Variants in LCOR observed in about 807,000 individuals in gnomAD.
The protein encoded by LCOR is ligand-dependent corepressor.
In LCOR, 14 loss-of-function variants were observed where a neutral mutation model predicts 64.4. The ratio of observed to expected loss-of-function variants is 0.22; its 90% CI spans 0.14 to 0.34. The LOEUF (loss-of-function observed/expected upper bound fraction) is 0.34. LCOR is among the 10% of genes least tolerant of loss of function. The probability of loss-of-function intolerance (pLI) is 1.00; values close to 1 mark genes in which losing one functional copy is unlikely to be tolerated. For missense variants in LCOR, 1,686 were observed against 1,765.3 expected, an observed-to-expected ratio of 0.96 and a Z score of 0.80; for synonymous variants, 643 against 642.5, an observed-to-expected ratio of 1.00 and a Z score of -0.01.
chr10:96,896,932 A>G (rs2134440017), intron 2 of LCOR, among the ~76,000 whole-genome samples: 1 of 152,262 alleles, frequency 6.6e-6, no homozygotes, highest in East Asian at 1.9e-4. Context: ...AAGAACTTTC[A>G]AAGTTTAGTT....
chr10:96,953,600 A>G (rs1380057997), intron 7 of LCOR, among the ~76,000 whole-genome samples: 1 of 152,198 alleles, frequency 6.6e-6, no homozygotes, highest in Non-Finnish European at 1.5e-5. Flanking sequence ...GTAATTAAGG[A>G]CACCTGTAGA....
intron 4 of LCOR, among the ~76,000 whole-genome samples, chr10:96,928,203 C>T (rs1847200023): frequency 3.3e-5 from 5 of 152,134 alleles, no homozygotes; most frequent in Admixed American, 2.6e-4. Flanking sequence ...GCATGTGAGG[C>T]TGTTTGCATT....
chr10:96,841,810 G>T (rs1321419110), intron 2 of LCOR, among the ~76,000 whole-genome samples: 1 of 151,612 alleles, frequency 6.6e-6, no homozygotes, highest in Non-Finnish European at 1.5e-5. Context: ...ATGCTGCCCA[G>T]GCTGGTCTCG....
chr10:96,900,496 A>G (rs1846614834), intron 2 of LCOR, among the ~76,000 whole-genome samples: 1 of 152,144 alleles, frequency 6.6e-6, no homozygotes, highest in Non-Finnish European at 1.5e-5. Flanking sequence ...ATAGAGAAGA[A>G]CAAAAAAGTC....
chr10:96,973,012 C>T (rs1163297765), intron 7 of LCOR, among the ~76,000 whole-genome samples: 1 of 152,138 alleles, frequency 6.6e-6, no homozygotes, highest in Non-Finnish European at 1.5e-5. Context: ...TGAAGAGATA[C>T]ATCCTGGTTT....
chr10:96,962,070 A>ATTTTAAATAATCATC (rs1847890458), intron 7 of LCOR: 2 of 152,092 alleles, frequency 1.3e-5, no homozygotes, highest in South Asian at 4.1e-4. Context: ...TTTTTGGATG[A>ATTTTAAATAATCATC]TTATTTAAAA....
intron 4 of LCOR, among the ~76,000 whole-genome samples, chr10:96,913,267 T>A (rs1287415845): frequency 1.3e-5 from 2 of 152,220 alleles, no homozygotes; most frequent in Admixed American, 1.3e-4. Context: ...AATACATGTG[T>A]AGCTATGTTA....
chr10:96,972,316 C>T (rs980460557), intron 7 of LCOR, among the ~76,000 whole-genome samples: 10 of 151,820 alleles, frequency 6.6e-5, no homozygotes, highest in Non-Finnish European at 1.2e-4. Flanking sequence ...ACCATATATA[C>T]GTTAGATTTT....
intron 2 of LCOR, among the ~76,000 whole-genome samples, chr10:96,848,124 T>G (rs186406687): frequency 2.6e-4 from 39 of 152,334 alleles, no homozygotes; most frequent in Admixed American, 2.5e-3. Context: ...CAGATATTTT[T>G]TAAGAAATGA....
chr10:96,893,792 G>A (rs1846490112), intron 2 of LCOR, among the ~76,000 whole-genome samples: 2 of 151,622 alleles, frequency 1.3e-5, no homozygotes, highest in South Asian at 4.2e-4. Flanking sequence ...ATTGTCCAAG[G>A]TTATAGAGCT....
chr10:96,833,581 C>T (rs546109994), intron 2 of LCOR, 102 bp downstream of exon 2: 1 of 412,870 alleles, frequency 2.4e-6, no homozygotes, highest in African/African-American at 2.2e-5. Context: ...ACTTCCCCGT[C>T]TTTGCTTCGG....
intron 2 of LCOR, among the ~76,000 whole-genome samples, chr10:96,861,823 C>T (rs747352318): frequency 1.4e-4 from 21 of 152,092 alleles, no homozygotes; most frequent in South Asian, 8.3e-4. Context: ...TGAGTCACTG[C>T]GCCCAACCAA....
At chr10:96,897,481 A>G (rs938856576) in intron 2 of LCOR, among the ~76,000 whole-genome samples, 20 of 152,238 alleles carry the variant, frequency 1.3e-4, no homozygotes, top group African/African-American at 4.6e-4. Flanking sequence ...TATACTAGAA[A>G]AAATGAAACA....
chr10:96,903,620 C>T (rs1262218620), intron 2 of LCOR, among the ~76,000 whole-genome samples: 1 of 152,116 alleles, frequency 6.6e-6, no homozygotes, highest in Admixed American at 6.5e-5. Context: ...AATTTTTTTC[C>T]AAAAGAACAG....
intron 7 of LCOR, chr10:96,957,785 T>C (rs1847809228): frequency 1.0e-6 from 1 of 985,576 alleles, no homozygotes; most frequent in South Asian, 4.7e-5. Flanking sequence ...CATGCACTGC[T>C]CATTCTTGAC....
At chr10:96,899,494 G>A (rs1377085560) in intron 2 of LCOR, among the ~76,000 whole-genome samples, 1 of 151,974 alleles carries the variant, frequency 6.6e-6, no homozygotes, top group Non-Finnish European at 1.5e-5. Flanking sequence ...ATTTTTAAAT[G>A]TTCACTTTAT....
intron 7 of LCOR, chr10:96,958,605 A>T: frequency 1.6e-6 from 1 of 610,450 alleles, no homozygotes; most frequent in Non-Finnish European, 2.9e-6. Context: ...TCAGATTAAA[A>T]GTCCTGAGAC....
intron 2 of LCOR, among the ~76,000 whole-genome samples, chr10:96,865,272 TA>T (rs149870140): frequency 4.6e-5 from 7 of 151,920 alleles, no homozygotes; most frequent in Admixed American, 6.6e-5. Context: ...TAGGCTGTTT[TA>T]AAAAAAATTA....
chr10:96,918,529 C>T (rs1846994171), intron 4 of LCOR, among the ~76,000 whole-genome samples: 1 of 151,930 alleles, frequency 6.6e-6, no homozygotes, highest in East Asian at 1.9e-4. Context: ...GAAGAATAGG[C>T]AAAGGATTTA....
Sources: gnomAD v4.1 joint callset for allele counts (sites outside exome capture counted in the v4.1 genomes callset) on GRCh38, gnomAD v4.1.1 for gene constraint, MANE v1.5 for transcripts, NCBI Gene and HGNC (gene_info 2026-07-23, HGNC 2026-07-21) for gene names.